Variants in CGNL1 observed in about 807,000 individuals in gnomAD.
The protein encoded by CGNL1 is cingulin like 1, also known as cingulin-like protein 1.
CGNL1 carries 132 observed loss-of-function variants against 141.2 expected under a neutral mutation model. That is an observed-to-expected ratio of 0.93 (90% confidence interval 0.81 to 1.08). CGNL1 has a LOEUF of 1.08. CGNL1 is among the 50% of genes least tolerant of loss of function. CGNL1 has a pLI of 0.00. For synonymous variants in CGNL1, 690 were observed against 622.1 expected (o/e 1.11, Z -1.63); for missense variants, 1,870 against 1,588.6 (o/e 1.18, Z -3.01).
Position 57,444,803 on chromosome 15 carries a change from A to G in CGNL1, c.1803+2325A>G, listed in dbSNP as rs113424430. ...TGAGGAAGAGCCTGGTAGCAAGGAC[A>G]TTGGAAGTTGGAAGTTATGTAAGAA... is the stretch of plus-strand genomic sequence containing the variant. On this transcript the variant is annotated intron_variant, in intron 4 of 18. Coordinates refer to ENST00000281282, the MANE Select transcript of CGNL1 (RefSeq NM_032866.5). Among the ~76,000 whole-genome samples the G allele has an allele frequency of 8.5e-5, 13 of 152,342 alleles. 2 individuals are homozygous for G. Among genetic ancestry groups the G allele is most frequent in the African/African-American group, 3.1e-4 (13 of 41,592 alleles).
intron 1 of CGNL1, among the ~76,000 whole-genome samples, chr15:57,416,020 T>A (rs2062844578): frequency 6.6e-6 from 1 of 152,158 alleles, no homozygotes; most frequent in Non-Finnish European, 1.5e-5. Context: ...ACTGAACCGC[T>A]GTCTCTGTAG....
intron 7 of CGNL1, among the ~76,000 whole-genome samples, chr15:57,458,126 C>G (rs1232977577): frequency 6.6e-6 from 1 of 152,172 alleles, no homozygotes. Context: ...AAATGCTCAG[C>G]ACAGTTCTTA....
chr15:57,414,049 A>G (rs1428285557), intron 1 of CGNL1, among the ~76,000 whole-genome samples: 1 of 152,246 alleles, frequency 6.6e-6, no homozygotes, highest in Non-Finnish European at 1.5e-5. Flanking sequence ...TGTGAAGAGA[A>G]GGTTTACTAA....
intron 1 of CGNL1, chr15:57,406,100 A>G: frequency 6.6e-6 from 1 of 152,450 alleles, no homozygotes; most frequent in Non-Finnish European, 1.5e-5. Context: ...CGCTAAGAGG[A>G]AGTATGGCCA....
chr15:57,459,261 C>G (rs28593267), intron 7 of CGNL1, among the ~76,000 whole-genome samples: 27,289 of 152,122 alleles, frequency 0.18, 2,588 homozygotes, highest in Non-Finnish European at 0.19. Context: ...TTATTTATAT[C>G]TGAACAGATA....
chr15:57,406,839 T>C (rs1350699653), intron 1 of CGNL1: 4 of 152,264 alleles, frequency 2.6e-5, no homozygotes, highest in African/African-American at 9.6e-5. Context: ...AAAAATTGTT[T>C]TCCTGAATGT....
At chr15:57,544,095 A>G (rs1207869080) in intron 15 of CGNL1, among the ~76,000 whole-genome samples, 1 of 152,116 alleles carries the variant, frequency 6.6e-6, no homozygotes, top group African/African-American at 2.4e-5. Flanking sequence ...TCGGGTCATT[A>G]TTTCTTTTTC....
chr15:57,498,604 A>T (rs2063978030), intron 8 of CGNL1, among the ~76,000 whole-genome samples: 1 of 152,108 alleles, frequency 6.6e-6, no homozygotes, highest in African/African-American at 2.4e-5. Context: ...GCAAAAATGG[A>T]TGCATGCTGT....
At chr15:57,387,177 A>G (rs1025867979) in intron 1 of CGNL1, among the ~76,000 whole-genome samples, 1 of 152,180 alleles carries the variant, frequency 6.6e-6, no homozygotes, top group African/African-American at 2.4e-5. Context: ...TTTCATATAA[A>G]TGTATTTCAT....
At chr15:57,398,806 T>C (rs562316283) in intron 1 of CGNL1, among the ~76,000 whole-genome samples, 42 of 152,324 alleles carry the variant, frequency 2.8e-4, no homozygotes, top group African/African-American at 9.9e-4. Flanking sequence ...ACTTTATCAT[T>C]TGGTGCAGAG....
intron 1 of CGNL1, among the ~76,000 whole-genome samples, chr15:57,411,346 C>T (rs2062784631): frequency 6.6e-6 from 1 of 152,184 alleles, no homozygotes; most frequent in Non-Finnish European, 1.5e-5. Context: ...GAGTCAAAAC[C>T]AGATCTGGTT....
chr15:57,536,390 T>C (rs914984334), intron 14 of CGNL1, among the ~76,000 whole-genome samples: 1 of 152,198 alleles, frequency 6.6e-6, no homozygotes, highest in Admixed American at 6.5e-5. Flanking sequence ...GAGTGATGGA[T>C]TCAGGAAATC....
At chr15:57,535,862 G>C (rs144987513) in intron 14 of CGNL1, among the ~76,000 whole-genome samples, 83 of 152,328 alleles carry the variant, frequency 5.4e-4, no homozygotes, top group African/African-American at 1.9e-3. Flanking sequence ...AAGGAAGGCT[G>C]TGTAAGATGG....
intron 1 of CGNL1, among the ~76,000 whole-genome samples, chr15:57,429,003 C>T (rs529359048): frequency 1.7e-4 from 25 of 150,670 alleles, no homozygotes; most frequent in African/African-American, 5.6e-4. Context: ...AGCCTGGCGA[C>T]AGAACTAGGC....
At position 57,546,088 on chromosome 15, in the gene CGNL1, T is replaced by TG; in HGVS notation, c.3622_3623insG (p.Leu1208CysfsTer12). On this transcript the variant is annotated frameshift_variant, in exon 18 of 19. Coordinates refer to ENST00000281282, the MANE Select transcript of CGNL1 (RefSeq NM_032866.5). LOFTEE classifies it high-confidence loss of function. ...TCTCCCGGTGCAGCTGAGCTTGCGT[T>TG]TGAAAGCCATGAAGCGGCAGGTGGA... 1.2e-6 allele frequency: 2 copies of TG among 1,613,202 alleles called. No individual in the cohort carries two copies. Among genetic ancestry groups the TG allele is most frequent in the Non-Finnish European group, 1.7e-6 (2 of 1,179,646 alleles).
intron 14 of CGNL1, among the ~76,000 whole-genome samples, chr15:57,536,567 A>T (rs994183881): frequency 6.6e-6 from 1 of 152,262 alleles, no homozygotes; most frequent in Non-Finnish European, 1.5e-5. Context: ...TAGTCCCATC[A>T]TATACAGAAA....
chr15:57,507,770 T>C (rs1317544684), intron 8 of CGNL1, among the ~76,000 whole-genome samples: 3 of 152,202 alleles, frequency 2.0e-5, no homozygotes, highest in Non-Finnish European at 2.9e-5. Context: ...AATGTAAACA[T>C]GAGGCAGTAG....
rs140907780 is a variant in CGNL1, at chr15:57,545,684, C to G, written c.3593C>G (p.Thr1198Ser). The G allele has an allele frequency of 6.7e-5, 108 of 1,612,762 alleles. No individual in the cohort carries two copies. Among genetic ancestry groups the G allele is most frequent in the Non-Finnish European group, 8.8e-5 (104 of 1,179,498 alleles). Reference protein sequence around the residue: ...MQVDDEHLSLTDQKDQLSLRL... With the variant: ...MQVDDEHLSLSDQKDQLSLRL... ...GTGGATGATGAGCACCTGTCATTGA[C>G]TGATCAGAAGGACCAGGTGGGGAGC... is the stretch of plus-strand genomic sequence containing the variant. The change falls in exon 17 of 19, where the codon ACT becomes AGT. Residue 1198 changes from threonine (T) to serine (S), a missense_variant. By Grantham distance (58) the Thr-to-Ser change is moderately conservative (BLOSUM62 1). Coordinates refer to ENST00000281282, the MANE Select transcript of CGNL1 (RefSeq NM_032866.5).
chr15:57,538,481 T>C (rs2032386550), intron 14 of CGNL1, among the ~76,000 whole-genome samples: 1 of 152,174 alleles, frequency 6.6e-6, no homozygotes, highest in African/African-American at 2.4e-5. Context: ...TTTGCCCCCC[T>C]TTGGAGAGTC....
Sources: gnomAD v4.1 joint callset for allele counts (sites outside exome capture counted in the v4.1 genomes callset) on GRCh38, gnomAD v4.1.1 for gene constraint, MANE v1.5 for transcripts, NCBI Gene and HGNC (gene_info 2026-07-23, HGNC 2026-07-21) for gene names.